GRID2: variants seen among roughly 807,000 people sequenced by gnomAD.
The protein encoded by GRID2 is glutamate ionotropic receptor delta type subunit 2, also known as glutamate receptor ionotropic, delta-2.
Under a neutral mutation model 114.8 loss-of-function variants are expected in GRID2, and 33 were observed. The ratio of observed to expected loss-of-function variants is 0.29; its 90% confidence interval spans 0.22 to 0.38. The LOEUF (loss-of-function observed/expected upper bound fraction) is 0.38, where lower values mean the gene tolerates loss of function less well. Among genes scored for constraint, GRID2 ranks in the 10% least tolerant of loss-of-function variants. The pLI is 1.00. For synonymous variants in GRID2, 505 were observed against 449.9 expected (o/e 1.12, Z -1.55); for missense variants, 1,184 against 1,257.7 (o/e 0.94, Z 0.89).
chr4:92,406,489 A>G (rs1433835248), intron 1 of GRID2, among the ~76,000 whole-genome samples: 1 of 152,122 alleles, frequency 6.6e-6, no homozygotes, highest in African/African-American at 2.4e-5. Flanking sequence ...GTGCAAATCA[A>G]TGGGGACATT....
chr4:92,328,463 T>A (rs1726708119), intron 1 of GRID2, among the ~76,000 whole-genome samples: 1 of 152,088 alleles, frequency 6.6e-6, no homozygotes, highest in South Asian at 2.1e-4. Flanking sequence ...GTTTCTGTTA[T>A]ATGTGGTTAT....
chr4:93,631,567 AGTATTCCATGGTGTG>A (rs528957924), intron 14 of GRID2, among the ~76,000 whole-genome samples: 76 of 152,324 alleles, frequency 5.0e-4, no homozygotes, highest in Middle Eastern at 3.4e-3. Context: ...ATGGCTGCAT[AGTATTCCATGGTGTG>A]TATGTGCCAC....
chr4:93,150,215 T>C (rs1222145878), intron 4 of GRID2, among the ~76,000 whole-genome samples: 1 of 152,164 alleles, frequency 6.6e-6, no homozygotes, highest in Non-Finnish European at 1.5e-5. Flanking sequence ...AAATGTTGTA[T>C]AGTGTTTTGA....
intron 8 of GRID2, among the ~76,000 whole-genome samples, chr4:93,248,931 T>A (rs1748506553): frequency 6.6e-6 from 1 of 152,220 alleles, no homozygotes; most frequent in Non-Finnish European, 1.5e-5. Context: ...ACATTAGTCC[T>A]AATTAAGCTA....
intron 2 of GRID2, among the ~76,000 whole-genome samples, chr4:92,857,991 C>A (rs1744287112): frequency 6.6e-6 from 1 of 152,084 alleles, no homozygotes; most frequent in African/African-American, 2.4e-5. Flanking sequence ...AACAATAAAG[C>A]CTGGATGACA....
intron 2 of GRID2, among the ~76,000 whole-genome samples, chr4:92,944,748 G>C (rs567109649): frequency 6.6e-6 from 1 of 152,028 alleles, no homozygotes; most frequent in Non-Finnish European, 1.5e-5. Context: ...ACATAAACTC[G>C]TGTACTAACA....
intron 8 of GRID2, among the ~76,000 whole-genome samples, chr4:93,342,445 A>G (rs1364721651): frequency 6.6e-6 from 1 of 152,208 alleles, no homozygotes; most frequent in Non-Finnish European, 1.5e-5. Context: ...AGAGAAAAAA[A>G]AACTTATTAT....
chr4:93,108,836 G>C (rs1051889420), intron 3 of GRID2, among the ~76,000 whole-genome samples: 30 of 151,876 alleles, frequency 2.0e-4, no homozygotes, highest in African/African-American at 6.5e-4. Context: ...TCACCATATT[G>C]GCCAGGCTGG....
intron 4 of GRID2, among the ~76,000 whole-genome samples, chr4:93,145,038 T>G (rs986565429): frequency 1.2e-4 from 18 of 152,152 alleles, no homozygotes; most frequent in Admixed American, 1.0e-3. Context: ...ATATGGACAT[T>G]ACAATAGCCG....
At chr4:93,253,459 G>A (rs567490773) in intron 8 of GRID2, among the ~76,000 whole-genome samples, 1,525 of 152,026 alleles carry the variant, frequency 0.01, 15 homozygotes, top group Middle Eastern at 0.021. Context: ...TTGCTACTTA[G>A]ATTTTAATTA....
At chr4:92,979,714 A>G (rs1221380870) in intron 2 of GRID2, among the ~76,000 whole-genome samples, 1 of 152,192 alleles carries the variant, frequency 6.6e-6, no homozygotes, top group East Asian at 1.9e-4. Context: ...CTTACAAGCC[A>G]TAGTTCTGCA....
chr4:92,913,555 A>G (rs1474889069), intron 2 of GRID2, among the ~76,000 whole-genome samples: 1 of 151,966 alleles, frequency 6.6e-6, no homozygotes, highest in Non-Finnish European at 1.5e-5. Flanking sequence ...AACTTGTCCT[A>G]GATGAAGCTC....
intron 2 of GRID2, among the ~76,000 whole-genome samples, chr4:92,927,448 A>G (rs907221489): frequency 2.5e-4 from 38 of 151,800 alleles, no homozygotes; most frequent in African/African-American, 8.9e-4. Flanking sequence ...CCAAGTTCCA[A>G]TTCCCACAGG....
At chr4:92,498,644 G>A (rs965858919) in intron 1 of GRID2, among the ~76,000 whole-genome samples, 1 of 151,712 alleles carries the variant, frequency 6.6e-6, no homozygotes, top group Non-Finnish European at 1.5e-5. Context: ...AATAAAACAT[G>A]ACAAAAATTA....
intron 4 of GRID2, among the ~76,000 whole-genome samples, chr4:93,170,973 A>G (rs764200859): frequency 7.2e-5 from 11 of 152,064 alleles, no homozygotes; most frequent in Admixed American, 6.6e-5. Flanking sequence ...CCAAACCATC[A>G]TGTACTCCTG....
At chr4:93,647,990 C>A (rs6844972) in intron 14 of GRID2, among the ~76,000 whole-genome samples, 4 of 152,112 alleles carry the variant, frequency 2.6e-5, no homozygotes, top group Non-Finnish European at 5.9e-5. Flanking sequence ...AGGACACTGA[C>A]ACATAGAGTA....
intron 2 of GRID2, among the ~76,000 whole-genome samples, chr4:92,635,896 T>A (rs1731043560): frequency 6.6e-6 from 1 of 152,044 alleles, no homozygotes; most frequent in South Asian, 2.1e-4. Context: ...GCATAAGAAC[T>A]TTTTGAGTAC....
At chr4:92,785,472 A>C (rs911574625) in intron 2 of GRID2, among the ~76,000 whole-genome samples, 1 of 151,678 alleles carries the variant, frequency 6.6e-6, no homozygotes, top group East Asian at 1.9e-4. Context: ...GAGGAGAAAA[A>C]AAATATAAGA....
At chr4:93,611,442 G>C (rs1425426850) in intron 13 of GRID2, among the ~76,000 whole-genome samples, 42 of 116,770 alleles carry the variant, frequency 3.6e-4, no homozygotes, top group African/African-American at 1.5e-3. Flanking sequence ...GCTTTCTCTT[G>C]TAGGCATTTA....
Sources: gnomAD v4.1 joint callset for allele counts (sites outside exome capture counted in the v4.1 genomes callset) on GRCh38, gnomAD v4.1.1 for gene constraint, MANE v1.5 for transcripts, NCBI Gene and HGNC (gene_info 2026-07-23, HGNC 2026-07-21) for gene names.